Variants in UTRN observed in about 807,000 individuals in gnomAD.
UTRN encodes the protein dystrophin-related protein 1.
Under a neutral mutation model 463.9 loss-of-function variants are expected in UTRN, and 283 were observed. The observed-to-expected ratio is 0.61, with a 90% CI of 0.55 to 0.67. The LOEUF is 0.67. Ranked by LOEUF, UTRN falls within the 30% of genes least tolerant of loss-of-function variation. The pLI is 0.00. For missense variants in UTRN, 3,922 were observed against 4,084.3 expected, an observed-to-expected ratio of 0.96 and a Z score of 1.08; for synonymous variants, 1,442 against 1,431.5, an observed-to-expected ratio of 1.01 and a Z score of -0.17.
intron 53 of UTRN, among the ~76,000 whole-genome samples, chr6:144,709,746 A>G (rs1305520316): frequency 6.6e-6 from 1 of 152,236 alleles, no homozygotes; most frequent in Non-Finnish European, 1.5e-5. Context: ...TAATTATTCC[A>G]AAAGGTATGA....
At position 144,827,621 on chromosome 6, in the gene UTRN, T is replaced by C. The variant is rs116822111; in HGVS notation, c.9544T>C (p.Ser3182Pro). The change falls in exon 68 of 75, where the codon TCT becomes CCT. Residue 3182 changes from serine to proline, a missense_variant. By Grantham distance (74) the Ser-to-Pro change is moderately conservative. Transcript: ENST00000367545. ...TTTTTTCTTTTAAAGCCCCTCACAA[T>C]CTCCTCAACTGTTTCATGATGACAC... is the stretch of plus-strand genomic sequence containing the variant. The part of the protein sequence containing the change: ...MWPEHYDPSQ[S>P]PQLFHDDTHS... 4.5e-5 allele frequency: 73 copies of C among 1,613,384 alleles called. No homozygotes were observed. The East Asian group carries it at 1.4e-3, about 32-fold the overall frequency.
At chr6:144,337,194 C>A (rs866141717) in intron 2 of UTRN, among the ~76,000 whole-genome samples, 7 of 126,782 alleles carry the variant, frequency 5.5e-5, no homozygotes, top group Middle Eastern at 3.8e-3. Flanking sequence ...CACACACACA[C>A]CACACACACA....
chr6:144,513,946 T>C lies in UTRN; in HGVS notation c.4982T>C (p.Val1661Ala). The change falls in exon 36 of 75, where the codon GTG (valine) becomes GCG (alanine). Residue 1661 changes from valine (V) to alanine (A), a missense_variant. Val to Ala is a moderately conservative substitution (Grantham distance 64, BLOSUM62 0). Transcript: ENST00000367545. The part of the protein sequence containing the change: ...QNQLEIFDGN[V>A]AHISTWLYQA... ...CAGCTAGAAATATTTGATGGGAACGTGGCTCACATAAGTACCTGGCTTTAT... is the reference window on the plus strand; with the variant it reads ...CAGCTAGAAATATTTGATGGGAACGCGGCTCACATAAGTACCTGGCTTTAT... 3 of 1,614,044 alleles carry C rather than the reference T, an allele frequency of 1.9e-6. No homozygotes were observed. The highest frequency in any genetic ancestry group is 2.5e-6 in the Non-Finnish European group (3 of 1,179,956).
chr6:144,622,799 G>A (rs374478028), intron 51 of UTRN, among the ~76,000 whole-genome samples: 16 of 152,296 alleles, frequency 1.1e-4, no homozygotes, highest in South Asian at 1.0e-3. Flanking sequence ...GGAAAGGATT[G>A]TAGGAACTCC....
chr6:144,363,131 A>G (rs1259790079), intron 2 of UTRN, among the ~76,000 whole-genome samples: 1 of 152,210 alleles, frequency 6.6e-6, no homozygotes, highest in Non-Finnish European at 1.5e-5. Flanking sequence ...ATGGACACAC[A>G]ATAGTATTTA....
Position 144,542,808 on chromosome 6 carries a change from T to C in UTRN, c.6533T>C (p.Val2178Ala), listed in dbSNP as rs1585195062. 6 of 1,613,654 alleles carry C rather than the reference T, an allele frequency of 3.7e-6. No homozygotes were observed. The highest frequency in any genetic ancestry group is 8.5e-7 in the Non-Finnish European group (1 of 1,179,816). The change falls in exon 46 of 75, where the codon GTG (valine) becomes GCG (alanine). Residue 2178 changes from valine to alanine, a missense_variant. Physicochemically the swap from Val to Ala is moderately conservative, Grantham distance 64. This residue lies in a region of UTRN where 2,349 missense variants were observed against 2,303.8 expected (regional missense o/e 1.02). Transcript: ENST00000367545. ...CTGATGCGGTAGATTTGCAGAGAGGTGCCTACCACCCTGAAGGAATGCATC... is the reference window on the plus strand; with the variant it reads ...CTGATGCGGTAGATTTGCAGAGAGGCGCCTACCACCCTGAAGGAATGCATC... ...NMTWNKICRE[V>A]PTTLKECIQE... is the part of the protein sequence containing the mutation.
intron 3 of UTRN, among the ~76,000 whole-genome samples, chr6:144,413,616 G>A (rs1402448969): frequency 1.3e-5 from 2 of 152,110 alleles, no homozygotes; most frequent in East Asian, 3.9e-4. Flanking sequence ...CAATTCGAGA[G>A]TTGGGTGGGG....
chr6:144,682,035 T>C (rs1782255033), intron 52 of UTRN, among the ~76,000 whole-genome samples: 1 of 152,208 alleles, frequency 6.6e-6, no homozygotes. Context: ...ACTAAGTTAT[T>C]ATTGACTATA....
In UTRN at chr6:144,814,664, A is replaced by C. The variant is rs188977760; in HGVS notation, c.9358-6218A>C. 2.9e-3 allele frequency among the ~76,000 whole-genome samples: 435 copies of C among 152,346 alleles called. 4 individuals carry two copies. Among genetic ancestry groups the C allele is most frequent in the Middle Eastern group, 0.024 (7 of 294 alleles). ...ACAAATAAAGCATGCCAGTGTAACT[A>C]CTTTATGAATGGGAGGAAAATGGAA... On this transcript the variant is annotated intron_variant, in intron 65 of 74. Coordinates refer to ENST00000367545, the MANE Select transcript of UTRN (RefSeq NM_007124.3).
At chr6:144,409,692 G>A (rs1221833003) in intron 3 of UTRN, among the ~76,000 whole-genome samples, 1 of 152,130 alleles carries the variant, frequency 6.6e-6, no homozygotes, top group African/African-American at 2.4e-5. Context: ...GCTGTATCTG[G>A]CCTGGGAAGC....
chr6:144,761,443 C>T (rs983121573), intron 58 of UTRN, among the ~76,000 whole-genome samples: 1 of 151,892 alleles, frequency 6.6e-6, no homozygotes, highest in Admixed American at 6.6e-5. Flanking sequence ...TTGCTTGCCC[C>T]CAGGAGTTCA....
chr6:144,397,027 C>T (rs999330488), intron 2 of UTRN, among the ~76,000 whole-genome samples: 4 of 151,968 alleles, frequency 2.6e-5, no homozygotes, highest in Non-Finnish European at 5.9e-5. Context: ...GGGTGGATCA[C>T]GAGGTCAGGA....
At chr6:144,513,792 G>A (rs1362932622) in intron 35 of UTRN, 117 bp from the exon 36 acceptor site, 10 of 1,161,556 alleles carry the variant, frequency 8.6e-6, no homozygotes, top group Non-Finnish European at 1.2e-5. Flanking sequence ...GAAGGTGAAA[G>A]CTCTCCTTTA....
At chr6:144,539,514 A>T in intron 45 of UTRN, 71 bp downstream of exon 45, 1 of 1,460,588 alleles carries the variant, frequency 6.8e-7, no homozygotes, top group African/African-American at 1.4e-5. Flanking sequence ...GGGATCATGT[A>T]ACTGCTTTAC....
At chr6:144,359,035 T>C (rs1288845127) in intron 2 of UTRN, among the ~76,000 whole-genome samples, 1 of 152,262 alleles carries the variant, frequency 6.6e-6, no homozygotes, top group Non-Finnish European at 1.5e-5. Context: ...TTTCCTGTTT[T>C]TGTTTTTAGT....
intron 53 of UTRN, among the ~76,000 whole-genome samples, chr6:144,713,432 C>T (rs202217839): frequency 3.6e-5 from 5 of 137,232 alleles, no homozygotes; most frequent in East Asian, 4.1e-4. Context: ...ATGGTGAAAC[C>T]CCATCTCTAC....
rs554358915 is a variant in UTRN, at chr6:144,381,462, G to T, written c.80-21661G>T. On this transcript the variant is annotated intron_variant, in intron 2 of 74. Coordinates refer to ENST00000367545, the MANE Select transcript of UTRN (RefSeq NM_007124.3). Reference sequence around the variant, plus strand: ...GTTGATTCAAAGTCTTTGTTACTGTGCTGCAATGTCTTTGTAACAGAGCAA... The same window carrying T: ...GTTGATTCAAAGTCTTTGTTACTGTTCTGCAATGTCTTTGTAACAGAGCAA... Among the ~76,000 whole-genome samples the T allele has an allele frequency of 2.0e-5, 3 of 152,232 alleles. No individual in the cohort carries two copies. The South Asian group carries it at 6.2e-4, about 32-fold the overall frequency.
chr6:144,736,960 G>A (rs967886482), intron 54 of UTRN, among the ~76,000 whole-genome samples: 4 of 152,228 alleles, frequency 2.6e-5, no homozygotes, highest in Non-Finnish European at 2.9e-5. Context: ...TCATCCTGCC[G>A]GCTCTGCTGG....
chr6:144,758,497 G>T (rs551316617), intron 58 of UTRN, among the ~76,000 whole-genome samples: 8 of 152,146 alleles, frequency 5.3e-5, no homozygotes, highest in African/African-American at 1.9e-4. Context: ...GTGAAATATT[G>T]TCAAGTTTTT....
Sources: allele counts gnomAD v4.1 joint callset (sites outside exome capture counted in the v4.1 genomes callset), GRCh38; gene constraint gnomAD v4.1.1; regional missense constraint gnomAD v4.1.1; transcripts MANE v1.5; gene names NCBI Gene and HGNC (gene_info 2026-07-23, HGNC 2026-07-21).